Variants in ZNF503 observed in about 807,000 individuals in gnomAD.
ZNF503 encodes the protein NocA-like zinc finger 2.
In ZNF503, 15 loss-of-function variants were observed where a neutral mutation model predicts 34.4. The observed-to-expected ratio is 0.44, with a 90% CI of 0.29 to 0.67. ZNF503 has a LOEUF of 0.67. Among genes scored for constraint, ZNF503 ranks in the 30% least tolerant of loss-of-function variants. The probability of loss-of-function intolerance (pLI) is 0.13; values close to 1 mark genes in which losing one functional copy is unlikely to be tolerated. For missense variants in ZNF503, 1,007 were observed against 926.8 expected (o/e 1.09, Z -1.12); for synonymous variants, 580 against 456.8 (o/e 1.27, Z -3.44).
At chr10:75,328,946 C>G in the ZNF503 span, among the ~76,000 whole-genome samples, 3 of 151,968 alleles carry the variant, frequency 2.0e-5, no homozygotes, top group Non-Finnish European at 4.4e-5. Context: ...GGGATTTCAC[C>G]ATGTTGGCCA....
At chr10:75,353,034 G>A in the ZNF503 span, among the ~76,000 whole-genome samples, 45,281 of 152,166 alleles carry the variant, frequency 0.3, 7,443 homozygotes, top group South Asian at 0.4. Context: ...CTCTGTCCTC[G>A]TAGGAGGGGA....
chr10:75,317,528 G>A, the ZNF503 span, among the ~76,000 whole-genome samples: 11 of 149,030 alleles, frequency 7.4e-5, no homozygotes, highest in Non-Finnish European at 1.3e-4. Context: ...CTCGTGATCC[G>A]CCTGTCTTAG....
At chr10:75,391,737 G>T in the ZNF503 span, among the ~76,000 whole-genome samples, 1 of 150,434 alleles carries the variant, frequency 6.6e-6, no homozygotes, top group Non-Finnish European at 1.5e-5. Flanking sequence ...TCTGTCTTTT[G>T]TTTTTTTTTC....
At chr10:75,359,979 T>G in the ZNF503 span, among the ~76,000 whole-genome samples, 432 of 152,098 alleles carry the variant, frequency 2.8e-3, 3 homozygotes, top group African/African-American at 0.01. Flanking sequence ...TTTTTAGGTG[T>G]GTTTATTACC....
At position 75,400,090 on chromosome 10, in the gene ZNF503, G is replaced by A; in HGVS notation, c.600C>T (p.Gly200=). 1 of 791,568 alleles carries A rather than the reference G, an allele frequency of 1.3e-6. No homozygotes were observed. The highest frequency in any genetic ancestry group is 1.8e-5 in the South Asian group (1 of 56,952). 49.0% of individuals were successfully genotyped at this position (791,568 alleles called of 1,614,324 possible). A position where few individuals can be genotyped will look rare whatever the true frequency, so the allele number is the denominator to read the frequency against. Residue 200 remains glycine, a synonymous_variant, in exon 2 of 2, where the codon GGC becomes GGT. Transcript: ENST00000372524. ...TCTCCGACGAAACACCCCCGCCGCCGCCCCCGCCACCGCCACCGCCTCCAC... is the reference window on the plus strand; with the variant it reads ...TCTCCGACGAAACACCCCCGCCGCCACCCCCGCCACCGCCACCGCCTCCAC... ...GGGGGGGGGG[G]GGGGVSSEKS...
chr10:75,304,768 G>T, the ZNF503 span, among the ~76,000 whole-genome samples: 4 of 152,068 alleles, frequency 2.6e-5, no homozygotes, highest in Non-Finnish European at 4.4e-5. Flanking sequence ...ATGAAAACTA[G>T]AAAAGATTGG....
chr10:75,288,786 G>A, the ZNF503 span: 2 of 152,226 alleles, frequency 1.3e-5, no homozygotes, highest in African/African-American at 2.4e-5. Flanking sequence ...TCATGGGTGG[G>A]GGTCTCAATG....
chr10:75,292,092 A>G, the ZNF503 span, among the ~76,000 whole-genome samples: 1 of 152,216 alleles, frequency 6.6e-6, no homozygotes, highest in African/African-American at 2.4e-5. Flanking sequence ...CAGACTATTC[A>G]GACTGACTCC....
At chr10:75,292,348 A>T in the ZNF503 span, among the ~76,000 whole-genome samples, 1 of 152,222 alleles carries the variant, frequency 6.6e-6, no homozygotes, top group Non-Finnish European at 1.5e-5. Context: ...AGTAAGCAAG[A>T]AAGAGAATGC....
At chr10:75,372,402 A>G in the ZNF503 span, among the ~76,000 whole-genome samples, 1 of 152,204 alleles carries the variant, frequency 6.6e-6, no homozygotes, top group Admixed American at 6.5e-5. Context: ...TGTACTGAGC[A>G]TTGTGATTGG....
the ZNF503 span, among the ~76,000 whole-genome samples, chr10:75,282,682 CA>C: frequency 6.6e-6 from 1 of 152,138 alleles, no homozygotes; most frequent in Non-Finnish European, 1.5e-5. Flanking sequence ...TTGAATCGCA[CA>C]AAGACATAAG....
the ZNF503 span, among the ~76,000 whole-genome samples, chr10:75,291,972 C>T: frequency 2.0e-5 from 3 of 152,162 alleles, no homozygotes; most frequent in Admixed American, 2.0e-4. Flanking sequence ...AGTACCTGTT[C>T]CTGTCTTGCT....
In ZNF503 at chr10:75,398,739, C is replaced by T. The variant is rs896445650; in HGVS notation, c.*10G>A. 3.7e-6 allele frequency: 5 copies of T among 1,366,786 alleles called. No individual in the cohort carries two copies. Among genetic ancestry groups the T allele is most frequent in the Non-Finnish European group, 4.7e-6 (5 of 1,064,198 alleles). The allele number at this position is 1,366,786 out of a possible 1,614,324, so 84.7% of individuals were successfully genotyped here. A position where few individuals can be genotyped will look rare whatever the true frequency, so the allele number is the denominator to read the frequency against. Reference sequence around the variant, plus strand: ...TCCCTCCTCTCCCTCGCTCGCCCTCCCGGCCGCCCTCACTGATACCCCAGC... The same window carrying T: ...TCCCTCCTCTCCCTCGCTCGCCCTCTCGGCCGCCCTCACTGATACCCCAGC... On this transcript the variant is annotated 3_prime_UTR_variant, in exon 2 of 2. Transcript: ENST00000372524.
the ZNF503 span, among the ~76,000 whole-genome samples, chr10:75,293,613 G>GC: frequency 0.065 from 9,809 of 151,108 alleles, 997 homozygotes; most frequent in African/African-American, 0.22. Flanking sequence ...TTACCAGAGT[G>GC]CCCCCCCCGT....
At chr10:75,396,256 G>A (rs1238839678), downstream of ZNF503, among the ~76,000 whole-genome samples, 1 of 152,228 alleles carries the variant, frequency 6.6e-6, no homozygotes, top group African/African-American at 2.4e-5. This position sits in a 1 kb window ranked among gnomAD's most constrained non-coding sequence, Gnocchi z 4.4. Flanking sequence ...TGGGACCGGG[G>A]CCGCGGCGTC....
chr10:75,381,805 CTT>C, the ZNF503 span, among the ~76,000 whole-genome samples: 49 of 38,648 alleles, frequency 1.3e-3, no homozygotes, highest in African/African-American at 4.0e-3. Context: ...GAACCTAATT[CTT>C]TTTTTTTTTT....
chr10:75,331,428 G>A, the ZNF503 span, among the ~76,000 whole-genome samples: 1 of 152,170 alleles, frequency 6.6e-6, no homozygotes, highest in Admixed American at 6.5e-5. Context: ...TTGTATTGGA[G>A]TCTATCTCTC....
chr10:75,347,672 G>A, the ZNF503 span, among the ~76,000 whole-genome samples: 1 of 152,222 alleles, frequency 6.6e-6, no homozygotes, highest in Non-Finnish European at 1.5e-5. Context: ...TCAGACAATA[G>A]GATATTGTGA....
the ZNF503 span, among the ~76,000 whole-genome samples, chr10:75,298,787 T>C: frequency 6.6e-6 from 1 of 152,172 alleles, no homozygotes; most frequent in African/African-American, 2.4e-5. Context: ...AAAAAATGTT[T>C]TATTTTTTAT....
Sources: gnomAD v4.1 joint callset for allele counts (sites outside exome capture counted in the v4.1 genomes callset) on GRCh38, gnomAD v4.1.1 for gene constraint, Gnocchi (gnomAD v3.1) non-coding constraint, MANE v1.5 for transcripts, NCBI Gene and HGNC (gene_info 2026-07-23, HGNC 2026-07-21) for gene names.